The following RALGPS1 variants were observed in gnomAD, a reference collection of about 807,000 sequenced individuals.
RALGPS1 encodes ras-specific guanine nucleotide-releasing factor RalGPS1.
In RALGPS1, 19 loss-of-function variants were observed where a neutral mutation model predicts 78.8. The observed-to-expected ratio is 0.24, with a 90% confidence interval of 0.17 to 0.35. The LOEUF is 0.35. RALGPS1 is among the 10% of genes least tolerant of loss of function. RALGPS1 has a pLI of 1.00. For synonymous variants in RALGPS1, 228 were observed against 256.3 expected (o/e 0.89, Z 1.06); for missense variants, 454 against 688.3 (o/e 0.66, Z 3.81).
At chr9:127,194,480 T>C (rs1439876817) in intron 11 of RALGPS1, among the ~76,000 whole-genome samples, 1 of 152,198 alleles carries the variant, frequency 6.6e-6, no homozygotes, top group Non-Finnish European at 1.5e-5. Flanking sequence ...TGGCACAATC[T>C]TGGCTCACTG....
intron 8 of RALGPS1, among the ~76,000 whole-genome samples, chr9:127,103,701 T>G (rs1221806978): frequency 6.6e-6 from 1 of 152,174 alleles, no homozygotes; most frequent in Admixed American, 6.5e-5. Flanking sequence ...TGGAACCATG[T>G]TCTAATAACA....
intron 4 of RALGPS1, among the ~76,000 whole-genome samples, chr9:127,009,812 GC>G (rs1369878675): frequency 6.6e-6 from 1 of 152,142 alleles, no homozygotes; most frequent in Non-Finnish European, 1.5e-5. Context: ...CTTAGCCTCT[GC>G]CCTTCCCACT....
At chr9:126,975,426 A>C (rs922993223) in intron 3 of RALGPS1, among the ~76,000 whole-genome samples, 3 of 152,226 alleles carry the variant, frequency 2.0e-5, no homozygotes, top group Non-Finnish European at 1.5e-5. Context: ...TCTCATTTTC[A>C]CATTAGCAGA....
At chr9:126,932,807 A>G (rs1477778208) in intron 1 of RALGPS1, among the ~76,000 whole-genome samples, 1 of 152,250 alleles carries the variant, frequency 6.6e-6, no homozygotes, top group Non-Finnish European at 1.5e-5. Context: ...ATACATATAT[A>G]CATGTTAGAG....
intron 1 of RALGPS1, among the ~76,000 whole-genome samples, chr9:126,923,209 T>C (rs1222928681): frequency 6.6e-6 from 1 of 152,244 alleles, no homozygotes; most frequent in Non-Finnish European, 1.5e-5. Context: ...TAAAAAGGTC[T>C]CTTCACACTT....
intron 8 of RALGPS1, among the ~76,000 whole-genome samples, chr9:127,136,810 T>G (rs2057428552): frequency 6.6e-6 from 1 of 152,098 alleles, no homozygotes; most frequent in Non-Finnish European, 1.5e-5. Flanking sequence ...TAGATTCAGG[T>G]CTGCCTCACT....
At chr9:127,210,226 C>G (rs2062165850) in intron 14 of RALGPS1, among the ~76,000 whole-genome samples, 1 of 152,320 alleles carries the variant, frequency 6.6e-6, no homozygotes, top group South Asian at 2.1e-4. Flanking sequence ...AGGAGACTGT[C>G]CAGTCGAGAG....
chr9:127,194,268 A>G (rs1363394817), intron 11 of RALGPS1, among the ~76,000 whole-genome samples: 2 of 152,210 alleles, frequency 1.3e-5, no homozygotes, highest in African/African-American at 2.4e-5. Context: ...TAACCTATCC[A>G]TGGTCCCAGG....
chr9:127,206,398 G>A (rs1242947999), intron 14 of RALGPS1, among the ~76,000 whole-genome samples: 1 of 152,226 alleles, frequency 6.6e-6, no homozygotes, highest in East Asian at 1.9e-4. Flanking sequence ...TACAGTCATG[G>A]TGGAAGGCGA....
chr9:127,100,675 A>G (rs969543504), intron 8 of RALGPS1, among the ~76,000 whole-genome samples: 9 of 152,150 alleles, frequency 5.9e-5, no homozygotes, highest in East Asian at 1.9e-4. Context: ...GAGAGTGGCC[A>G]TGGCTCTGTC....
At chr9:127,083,259 G>A (rs980303771) in intron 8 of RALGPS1, among the ~76,000 whole-genome samples, 2 of 152,206 alleles carry the variant, frequency 1.3e-5, no homozygotes, top group Non-Finnish European at 2.9e-5. Flanking sequence ...TCTGCTCCAC[G>A]GGCAGAGCCC....
intron 8 of RALGPS1, chr9:127,089,215 G>T: frequency 6.7e-7 from 1 of 1,484,520 alleles, no homozygotes; most frequent in Non-Finnish European, 9.4e-7. Context: ...AGGGCTTTCG[G>T]CAAAGCCCTC....
intron 8 of RALGPS1, among the ~76,000 whole-genome samples, chr9:127,087,071 C>T (rs1262897494): frequency 6.6e-6 from 1 of 152,190 alleles, no homozygotes; most frequent in Non-Finnish European, 1.5e-5. Context: ...GTTAAGTGCA[C>T]TGCCCGTGAG....
intron 8 of RALGPS1, among the ~76,000 whole-genome samples, chr9:127,085,946 T>C (rs1331684956): frequency 6.6e-6 from 1 of 151,894 alleles, no homozygotes. Flanking sequence ...GAGAAGGGAG[T>C]TGAGAACTCT....
chr9:127,199,959 A>C (rs2061544302), intron 14 of RALGPS1, among the ~76,000 whole-genome samples: 1 of 145,744 alleles, frequency 6.9e-6, no homozygotes. Flanking sequence ...ACACACATAT[A>C]CCCATGCACA....
At chr9:127,114,443 A>G (rs2055186629) in intron 8 of RALGPS1, among the ~76,000 whole-genome samples, 1 of 152,242 alleles carries the variant, frequency 6.6e-6, no homozygotes, top group Admixed American at 6.5e-5. Flanking sequence ...CCAAAGTGCC[A>G]AAGTGACTGG....
chr9:127,216,801 G>A lies in RALGPS1; in HGVS notation c.1645-1939G>A, dbSNP rs1173438259. The stretch of plus-strand genomic sequence containing the variant: ...GCATTAAGAGAGGAAGAGCATCCTG[G>A]CCTCCTCCATACTGGTCACACCATG... On this transcript the variant is annotated intron_variant, in intron 18 of 18. Coordinates refer to ENST00000259351, the MANE Select transcript of RALGPS1 (RefSeq NM_014636.3). 1.7e-5 allele frequency: 18 copies of A among 1,040,054 alleles called. No homozygotes were observed. The Admixed American group carries it at 3.2e-4, about 19-fold the overall frequency. 64.4% of individuals were successfully genotyped at this position (1,040,054 alleles called of 1,614,324 possible). A position where few individuals can be genotyped will look rare whatever the true frequency, so the allele number is the denominator to read the frequency against.
intron 8 of RALGPS1, among the ~76,000 whole-genome samples, chr9:127,121,243 T>G (rs931997135): frequency 2.0e-5 from 3 of 152,224 alleles, no homozygotes; most frequent in African/African-American, 7.2e-5. Flanking sequence ...ACCTGGGCAG[T>G]ATTATCCCAT....
intron 1 of RALGPS1, among the ~76,000 whole-genome samples, chr9:126,949,584 T>C (rs2037613020): frequency 6.6e-6 from 1 of 152,262 alleles, no homozygotes; most frequent in African/African-American, 2.4e-5. Flanking sequence ...CATTTTTTCA[T>C]TTGTCTTTTG....
Sources: gnomAD v4.1 joint callset for allele counts (sites outside exome capture counted in the v4.1 genomes callset) on GRCh38, gnomAD v4.1.1 for gene constraint, MANE v1.5 for transcripts, NCBI Gene and HGNC (gene_info 2026-07-23, HGNC 2026-07-21) for gene names.